The following PCDH7 variants were observed in gnomAD, a reference collection of about 807,000 sequenced individuals.
The protein encoded by PCDH7 is protocadherin 7, also known as protocadherin-7.
PCDH7 carries 17 observed loss-of-function variants against 58.9 expected under a neutral mutation model. That is an observed-to-expected ratio of 0.29 (90% confidence interval 0.20 to 0.43). PCDH7 has a LOEUF of 0.43. Among genes scored for constraint, PCDH7 ranks in the 20% least tolerant of loss-of-function variants. PCDH7 has a pLI of 1.00. For missense variants in PCDH7, 1,274 were observed against 1,441.0 expected, an observed-to-expected ratio of 0.88 and a Z score of 1.88; for synonymous variants, 664 against 616.4, an observed-to-expected ratio of 1.08 and a Z score of -1.14.
chr4:30,787,847 T>G (rs754720848), intron 1 of PCDH7, among the ~76,000 whole-genome samples: 1 of 152,074 alleles, frequency 6.6e-6, no homozygotes. Context: ...TTACCTAGAA[T>G]GTAAAGAGGT....
rs773326185 is a variant in PCDH7, at chr4:30,722,387, C to T, written c.965C>T (p.Ala322Val). 2 of 1,612,614 alleles carry T rather than the reference C, an allele frequency of 1.2e-6. No homozygotes were observed. Among genetic ancestry groups the T allele is most frequent in the Non-Finnish European group, 1.7e-6 (2 of 1,179,924 alleles). ...GAGGCCGACTTGGCTGAGAACAGCG[C>T]CCCGGGGACCCCCATCCTGCAACTG... The change falls in exon 1 of 2, where the codon GCC (alanine) becomes GTC (valine). Residue 322 changes from alanine to valine, a missense_variant. By Grantham distance (64) the Ala-to-Val change is moderately conservative. This residue lies in a region of PCDH7 where 331 missense variants were observed against 303.2 expected (regional missense o/e 1.09). Transcript: ENST00000361762. The surrounding 1 kb of genome is among the most constrained non-coding windows in gnomAD (Gnocchi z 7.6).
At chr4:31,135,743 T>C (rs1719521509) in intron 3 of PCDH7, among the ~76,000 whole-genome samples, 1 of 152,224 alleles carries the variant, frequency 6.6e-6, no homozygotes, top group Non-Finnish European at 1.5e-5. Context: ...ATTTCTATAG[T>C]AAAACATATG....
intron 1 of PCDH7, among the ~76,000 whole-genome samples, chr4:30,895,908 A>C (rs1231972153): frequency 9.2e-5 from 14 of 152,212 alleles, no homozygotes; most frequent in Non-Finnish European, 5.9e-5. Context: ...CAATGAACAT[A>C]TCAATAATTC....
At chr4:31,081,243 G>C (rs1170172755) in intron 3 of PCDH7, among the ~76,000 whole-genome samples, 2 of 152,104 alleles carry the variant, frequency 1.3e-5, no homozygotes, top group Admixed American at 6.5e-5. Flanking sequence ...ATTTTATTTG[G>C]TTATGTTTTC....
chr4:31,111,488 T>C (rs1277837373), intron 3 of PCDH7, among the ~76,000 whole-genome samples: 1 of 152,062 alleles, frequency 6.6e-6, no homozygotes, highest in Non-Finnish European at 1.5e-5. Flanking sequence ...TTTTGTATTT[T>C]TAGTAGAGAC....
chr4:30,930,721 C>T (rs148912956), intron 2 of PCDH7, among the ~76,000 whole-genome samples: 67 of 152,008 alleles, frequency 4.4e-4, no homozygotes, highest in African/African-American at 1.3e-3. Context: ...TGCTTGTGCC[C>T]GGGAGTTCCA....
chr4:30,909,074 G>A (rs4692484), intron 1 of PCDH7, among the ~76,000 whole-genome samples: 105,194 of 151,582 alleles, frequency 0.69, 36,734 homozygotes, highest in African/African-American at 0.79. Context: ...AACCAATGAC[G>A]AAAATGACAT....
chr4:30,917,660 T>C (rs568226956), intron 1 of PCDH7, among the ~76,000 whole-genome samples: 1 of 152,076 alleles, frequency 6.6e-6, no homozygotes, highest in African/African-American at 2.4e-5. Context: ...CTAAAATAAT[T>C]TATAGAGATT....
At chr4:31,045,527 C>T (rs929073120) in intron 3 of PCDH7, among the ~76,000 whole-genome samples, 7 of 151,994 alleles carry the variant, frequency 4.6e-5, no homozygotes, top group African/African-American at 1.4e-4. Context: ...ATAAGCAGAA[C>T]GGTAGCTGAT....
intron 1 of PCDH7, among the ~76,000 whole-genome samples, chr4:30,846,776 A>T (rs1479476485): frequency 6.6e-6 from 1 of 152,162 alleles, no homozygotes; most frequent in African/African-American, 2.4e-5. Context: ...TTTGCTATGC[A>T]TATGTCCAGG....
intron 3 of PCDH7, among the ~76,000 whole-genome samples, chr4:31,084,397 C>G (rs1349757503): frequency 6.6e-6 from 1 of 151,966 alleles, no homozygotes; most frequent in Non-Finnish European, 1.5e-5. Context: ...GGCTATTGAG[C>G]TTTATTATAG....
At chr4:30,865,915 G>A (rs578093793) in intron 1 of PCDH7, among the ~76,000 whole-genome samples, 3 of 152,174 alleles carry the variant, frequency 2.0e-5, no homozygotes, top group African/African-American at 7.2e-5. Context: ...GAGAATAGCA[G>A]ATGCATTCTT....
At chr4:31,064,042 C>T (rs1318213319) in intron 3 of PCDH7, among the ~76,000 whole-genome samples, 1 of 151,794 alleles carries the variant, frequency 6.6e-6, no homozygotes, top group Non-Finnish European at 1.5e-5. Flanking sequence ...TAAATGTTTA[C>T]AGTATATCAA....
Position 30,925,025 on chromosome 4 carries a change from A to T in PCDH7, c.287+4656A>T, listed in dbSNP as rs1743669211. ...CTCAGATCTTTAAATAATACTTTTG[A>T]CTTTATACATGAATATTTTTGAACT... On this transcript the variant is annotated intron_variant, in intron 2 of 3. Transcript: ENST00000509759. Among the ~76,000 whole-genome samples, 3 of 152,122 alleles carry T rather than the reference A, an allele frequency of 2.0e-5. No individual in the cohort carries two copies. In the East Asian group the frequency reaches 5.8e-4, roughly 29 times the overall value.
At chr4:31,032,472 G>A (rs903967626) in intron 3 of PCDH7, among the ~76,000 whole-genome samples, 7 of 151,966 alleles carry the variant, frequency 4.6e-5, no homozygotes, top group Admixed American at 1.3e-4. Context: ...GCTTGTTGTG[G>A]TAGTGCATGA....
chr4:30,804,117 A>C (rs1725876413), intron 1 of PCDH7, among the ~76,000 whole-genome samples: 1 of 152,216 alleles, frequency 6.6e-6, no homozygotes, highest in Non-Finnish European at 1.5e-5. Context: ...GACATGACAC[A>C]AACATTTAAG....
intron 1 of PCDH7, among the ~76,000 whole-genome samples, chr4:30,905,572 T>G (rs552825245): frequency 6.6e-6 from 1 of 152,250 alleles, no homozygotes; most frequent in African/African-American, 2.4e-5. Context: ...TGCCTGACTT[T>G]GCAGCATGTA....
chr4:31,082,889 A>T (rs1007943270), intron 3 of PCDH7, among the ~76,000 whole-genome samples: 1 of 152,140 alleles, frequency 6.6e-6, no homozygotes, highest in Non-Finnish European at 1.5e-5. Flanking sequence ...TGGGCGGATC[A>T]CGAGGTCAGG....
intron 3 of PCDH7, among the ~76,000 whole-genome samples, chr4:31,053,016 C>A (rs114414800): frequency 4.5e-4 from 69 of 151,968 alleles, no homozygotes; most frequent in African/African-American, 1.4e-3. Flanking sequence ...TTTTTACCAG[C>A]GCTTTCTTTA....
Sources: allele counts gnomAD v4.1 joint callset (sites outside exome capture counted in the v4.1 genomes callset), GRCh38; gene constraint gnomAD v4.1.1; regional missense constraint gnomAD v4.1.1; non-coding constraint Gnocchi (gnomAD v3.1); transcripts MANE v1.5; gene names NCBI Gene and HGNC (gene_info 2026-07-23, HGNC 2026-07-21).